The following ARHGAP28 variants were observed in gnomAD, a reference collection of about 807,000 sequenced individuals.
The protein encoded by ARHGAP28 is Rho GTPase activating protein 28.
A neutral mutation model predicts 90.7 loss-of-function variants in ARHGAP28; 56 were observed. The observed-to-expected ratio is 0.62, with a 90% CI of 0.50 to 0.77. The LOEUF is 0.77. ARHGAP28 is among the 30% of genes least tolerant of loss of function. The pLI is 0.00. For synonymous variants in ARHGAP28, 308 were observed against 323.3 expected (o/e 0.95, Z 0.51); for missense variants, 869 against 900.9 (o/e 0.96, Z 0.45).
intron 1 of ARHGAP28, chr18:6,790,217 T>G (rs2056397440): frequency 6.6e-6 from 1 of 152,226 alleles, no homozygotes; most frequent in African/African-American, 2.4e-5. Context: ...TAAAGTTGTC[T>G]AAAATTATTT....
chr18:6,894,911 T>A lies in ARHGAP28; in HGVS notation c.1905+20T>A. 6.2e-7 allele frequency: 1 copy of A among 1,609,980 alleles called. No individual in the cohort carries two copies. The highest frequency in any genetic ancestry group is 1.1e-5 in the South Asian group (1 of 91,002). On this transcript the variant is annotated intron_variant, in intron 15 of 17. Transcript: ENST00000383472. ...CGAATGGTAAGAAAAATAATTTCTTTTCCCTTCCATTAACTCCCTATATAG... is the reference window on the plus strand; with the variant it reads ...CGAATGGTAAGAAAAATAATTTCTTATCCCTTCCATTAACTCCCTATATAG...
intron 5 of ARHGAP28, among the ~76,000 whole-genome samples, chr18:6,862,965 G>GT (rs1158044002): frequency 1.3e-5 from 2 of 151,958 alleles, no homozygotes; most frequent in African/African-American, 2.4e-5. Flanking sequence ...AGGAAAGTAG[G>GT]TTTTTTTGTT....
chr18:6,897,912 G>A (rs1434314652), intron 16 of ARHGAP28: 1 of 151,162 alleles, frequency 6.6e-6, no homozygotes, highest in African/African-American at 2.4e-5. Context: ...ACACACAAAT[G>A]AGTATAAGTA....
intron 1 of ARHGAP28, among the ~76,000 whole-genome samples, chr18:6,762,226 GCAGA>G (rs1201264244): frequency 1.3e-5 from 2 of 152,028 alleles, no homozygotes; most frequent in Non-Finnish European, 2.9e-5. Flanking sequence ...TTCTTATAAT[GCAGA>G]CAGTGATTTT....
intron 1 of ARHGAP28, among the ~76,000 whole-genome samples, chr18:6,823,991 G>C (rs541071994): frequency 6.6e-6 from 1 of 152,224 alleles, no homozygotes; most frequent in South Asian, 2.1e-4. Flanking sequence ...GTGCACAAGG[G>C]TTGCAGTTTC....
At chr18:6,851,422 C>T (rs2056910233) in intron 4 of ARHGAP28, among the ~76,000 whole-genome samples, 1 of 152,160 alleles carries the variant, frequency 6.6e-6, no homozygotes, top group Non-Finnish European at 1.5e-5. Context: ...CTTAAAAAGA[C>T]TGACAATACC....
At chr18:6,788,692 C>T (rs1164353441) in intron 1 of ARHGAP28, 1 of 152,162 alleles carries the variant, frequency 6.6e-6, no homozygotes, top group Non-Finnish European at 1.5e-5. Flanking sequence ...GTCTTGATCT[C>T]CTGACCTCAT....
rs559018870 is a variant in ARHGAP28, at chr18:6,877,516, G to A, written c.1290+1308G>A. On this transcript the variant is annotated intron_variant, in intron 10 of 17. Coordinates refer to ENST00000383472, the MANE Select transcript of ARHGAP28 (RefSeq NM_001366230.1). Reference sequence around the variant, plus strand: ...GAAGGGGCCCACAGCTGGGAGAGTCGGCTACCTGGGCTTTTGCACGTGAGG... The same window carrying A: ...GAAGGGGCCCACAGCTGGGAGAGTCAGCTACCTGGGCTTTTGCACGTGAGG... 5.9e-5 allele frequency among the ~76,000 whole-genome samples: 9 copies of A among 152,304 alleles called. No homozygotes were observed. The South Asian group carries it at 6.2e-4, about 11-fold the overall frequency.
intron 1 of ARHGAP28, among the ~76,000 whole-genome samples, chr18:6,787,616 CTT>C (rs2056376004): frequency 6.6e-6 from 1 of 152,192 alleles, no homozygotes; most frequent in South Asian, 2.1e-4. Context: ...GACATTAACA[CTT>C]TACAAAGCTG....
chr18:6,908,200 C>T (rs370647645), intron 16 of ARHGAP28, among the ~76,000 whole-genome samples: 112 of 151,916 alleles, frequency 7.4e-4, no homozygotes, highest in African/African-American at 2.2e-3. Flanking sequence ...TGCAATGGCA[C>T]GATCTCCACC....
At chr18:6,745,340 T>C (rs2056013751) in intron 1 of ARHGAP28, among the ~76,000 whole-genome samples, 1 of 152,200 alleles carries the variant, frequency 6.6e-6, no homozygotes, top group Non-Finnish European at 1.5e-5. Context: ...TTTTTCTCTC[T>C]TCTTCACCTT....
At position 6,914,356 on chromosome 18, in the gene ARHGAP28, A is replaced by G. The variant is rs2057413219; in HGVS notation, c.*2202A>G. 6.6e-6 allele frequency: 1 copy of G among 152,160 alleles called. No individual in the cohort carries two copies. The highest frequency in any genetic ancestry group is 1.5e-5 in the Non-Finnish European group (1 of 68,022). The allele number at this position is 152,160 out of a possible 1,614,324, so 9.4% of individuals were successfully genotyped here. A position where few individuals can be genotyped will look rare whatever the true frequency, so the allele number is the denominator to read the frequency against. On this transcript the variant is annotated 3_prime_UTR_variant, in exon 18 of 18. Coordinates refer to ENST00000383472, the MANE Select transcript of ARHGAP28 (RefSeq NM_001366230.1). ...ATTCAAGGATGTGTGGCAACTTTCA[A>G]CTTCCATACGTATATATGTATGTAT... is the stretch of plus-strand genomic sequence containing the variant.
intron 4 of ARHGAP28, among the ~76,000 whole-genome samples, chr18:6,854,153 C>G (rs1164348216): frequency 6.6e-6 from 1 of 152,002 alleles, no homozygotes; most frequent in African/African-American, 2.4e-5. Context: ...TAACAGGAAA[C>G]CTTCGATCTC....
chr18:6,776,636 G>A lies in ARHGAP28; in HGVS notation c.122+46693G>A, dbSNP rs139697568. 1.7e-3 allele frequency among the ~76,000 whole-genome samples: 255 copies of A among 152,258 alleles called. 1 individual carries two copies. Among genetic ancestry groups the A allele is most frequent in the African/African-American group, 5.9e-3 (246 of 41,552 alleles). On this transcript the variant is annotated intron_variant, in intron 1 of 17. Transcript: ENST00000383472. ...GACAATTTGCTGTATATGAAGTAGT[G>A]GATGTAAGTACACCTGATGAGGAGG...
intron 1 of ARHGAP28, among the ~76,000 whole-genome samples, chr18:6,820,451 T>C (rs987850576): frequency 1.3e-5 from 2 of 152,108 alleles, no homozygotes; most frequent in Non-Finnish European, 1.5e-5. Flanking sequence ...AGTCATGTTA[T>C]TGGAGTTCCA....
intron 1 of ARHGAP28, among the ~76,000 whole-genome samples, chr18:6,797,664 C>CTTTT (rs1396144186): frequency 2.1e-5 from 3 of 141,702 alleles, no homozygotes; most frequent in African/African-American, 7.8e-5. Context: ...TTTAGAAACG[C>CTTTT]TTTTTTTTTT....
chr18:6,861,775 G>A (rs937578377), intron 5 of ARHGAP28, among the ~76,000 whole-genome samples: 2 of 152,094 alleles, frequency 1.3e-5, no homozygotes, highest in Non-Finnish European at 2.9e-5. Context: ...TCTTAGCTGC[G>A]AATTTCTTCG....
intron 1 of ARHGAP28, among the ~76,000 whole-genome samples, chr18:6,799,035 T>G (rs542339522): frequency 6.6e-6 from 1 of 152,194 alleles, no homozygotes; most frequent in Non-Finnish European, 1.5e-5. Flanking sequence ...TACAAGATGA[T>G]AAGTGGTATG....
At chr18:6,886,796 T>C (rs2057224862) in intron 11 of ARHGAP28, among the ~76,000 whole-genome samples, 1 of 152,232 alleles carries the variant, frequency 6.6e-6, no homozygotes, top group African/African-American at 2.4e-5. Context: ...TTCTGCCTCA[T>C]TATATGGAAG....
Sources: gnomAD v4.1 joint callset for allele counts (sites outside exome capture counted in the v4.1 genomes callset) on GRCh38, gnomAD v4.1.1 for gene constraint, MANE v1.5 for transcripts, NCBI Gene and HGNC (gene_info 2026-07-23, HGNC 2026-07-21) for gene names.